The following ANKS1B variants were observed in gnomAD, a reference collection of about 807,000 sequenced individuals.
ANKS1B encodes ankyrin repeat and sterile alpha motif domain-containing protein 1B.
Under a neutral mutation model 148.3 loss-of-function variants are expected in ANKS1B, and 36 were observed. The observed-to-expected ratio is 0.24, with a 90% confidence interval of 0.19 to 0.32. ANKS1B has a LOEUF of 0.32. Among genes scored for constraint, ANKS1B ranks in the 10% least tolerant of loss-of-function variants. The probability of loss-of-function intolerance (pLI) is 1.00; values close to 1 mark genes in which losing one functional copy is unlikely to be tolerated. For synonymous variants in ANKS1B, 542 were observed against 560.8 expected (o/e 0.97, Z 0.47); for missense variants, 1,157 against 1,542.6 (o/e 0.75, Z 4.19).
intron 10 of ANKS1B, among the ~76,000 whole-genome samples, chr12:99,476,238 G>T (rs1346504875): frequency 6.6e-6 from 1 of 151,778 alleles, no homozygotes; most frequent in African/African-American, 2.4e-5. Context: ...ACTAAAAATA[G>T]AAAAATTAGC....
rs577015596 is a variant in ANKS1B at position 99,549,392 on chromosome 12, G to A, written c.1273-44751C>T. 3.9e-5 allele frequency among the ~76,000 whole-genome samples: 6 copies of A among 152,324 alleles called. No individual in the cohort carries two copies. The South Asian group carries it at 1.2e-3, about 32-fold the overall frequency. ...CAAAATTCTTAGAGTTAAGCAGATG[G>A]TTTTTGAAGTCTTAGTAAATAAACT... On this transcript the variant is annotated intron_variant, in intron 9 of 26. Transcript: ENST00000683438.
intron 8 of ANKS1B, among the ~76,000 whole-genome samples, chr12:99,666,615 T>A (rs1470506395): frequency 2.0e-5 from 3 of 152,158 alleles, no homozygotes; most frequent in Non-Finnish European, 4.4e-5. Context: ...AGTGTACAGG[T>A]CTTGCACATA....
intron 11 of ANKS1B, among the ~76,000 whole-genome samples, chr12:99,432,641 A>G (rs747685802): frequency 3.3e-5 from 5 of 152,230 alleles, no homozygotes; most frequent in Non-Finnish European, 7.3e-5. Flanking sequence ...TAACAGAGAC[A>G]GAGAATAAAG....
intron 17 of ANKS1B, among the ~76,000 whole-genome samples, chr12:98,879,911 C>A (rs1485830750): frequency 1.3e-5 from 2 of 152,180 alleles, no homozygotes; most frequent in East Asian, 3.8e-4. Context: ...ATATTACCCT[C>A]ACCATCAGCC....
rs147705820 is a variant in ANKS1B at position 99,515,634 on chromosome 12, T to C, written c.1273-10993A>G. On this transcript the variant is annotated intron_variant, in intron 9 of 26. Coordinates refer to ENST00000683438, the MANE Select transcript of ANKS1B (RefSeq NM_001352186.2). ...ATTGTAAACAGTGCTGCAACAAATA[T>C]GGGAGTAGAGCCATCTCTTCCATAT... 2.7e-3 allele frequency among the ~76,000 whole-genome samples: 411 copies of C among 152,170 alleles called. 2 individuals are homozygous for C. The highest frequency in any genetic ancestry group is 9.5e-3 in the African/African-American group (393 of 41,542).
intron 22 of ANKS1B, among the ~76,000 whole-genome samples, chr12:98,795,881 G>T (rs2098944195): frequency 6.6e-6 from 1 of 152,144 alleles, no homozygotes. Flanking sequence ...TATGTAAAGT[G>T]GGAGCAATGG....
intron 17 of ANKS1B, among the ~76,000 whole-genome samples, chr12:98,945,176 C>T (rs970390264): frequency 6.6e-6 from 1 of 152,072 alleles, no homozygotes; most frequent in Non-Finnish European, 1.5e-5. Context: ...CCCATCCAAC[C>T]CTGTATCATG....
intron 19 of ANKS1B, among the ~76,000 whole-genome samples, chr12:98,822,748 G>C (rs2099209029): frequency 6.6e-6 from 1 of 152,170 alleles, no homozygotes; most frequent in Non-Finnish European, 1.5e-5. Flanking sequence ...GGGCTGACGG[G>C]TCTATCAGAA....
At chr12:99,187,383 T>A (rs2080012671) in intron 14 of ANKS1B, among the ~76,000 whole-genome samples, 1 of 151,956 alleles carries the variant, frequency 6.6e-6, no homozygotes, top group Non-Finnish European at 1.5e-5. Context: ...CCAAGACACA[T>A]AATTGTCCGA....
At chr12:99,792,702 A>G (rs573911988) in intron 4 of ANKS1B, among the ~76,000 whole-genome samples, 2 of 152,086 alleles carry the variant, frequency 1.3e-5, no homozygotes, top group African/African-American at 4.8e-5. Flanking sequence ...ACCTCAATGT[A>G]ATAAAATCCA....
At chr12:99,089,511 T>C (rs998231858) in intron 15 of ANKS1B, among the ~76,000 whole-genome samples, 3 of 152,228 alleles carry the variant, frequency 2.0e-5, no homozygotes, top group African/African-American at 7.2e-5. Flanking sequence ...GCCATCATTG[T>C]AGCAAGTTCC....
chr12:99,024,184 A>G (rs908414571), intron 17 of ANKS1B, among the ~76,000 whole-genome samples: 1 of 152,138 alleles, frequency 6.6e-6, no homozygotes, highest in African/African-American at 2.4e-5. Context: ...TATTTGTTAG[A>G]ATAAGCAACA....
intron 12 of ANKS1B, among the ~76,000 whole-genome samples, chr12:99,290,877 G>A (rs988429967): frequency 3.3e-5 from 5 of 152,038 alleles, no homozygotes; most frequent in Non-Finnish European, 7.4e-5. Flanking sequence ...AGACAAGGAT[G>A]TCCTCTTTCA....
intron 17 of ANKS1B, among the ~76,000 whole-genome samples, chr12:98,997,275 A>G (rs2099930261): frequency 6.6e-6 from 1 of 152,212 alleles, no homozygotes; most frequent in South Asian, 2.1e-4. Context: ...GGCAGTAGGA[A>G]CATAGCAAGG....
intron 9 of ANKS1B, among the ~76,000 whole-genome samples, chr12:99,640,686 C>T (rs963648574): frequency 4.6e-5 from 7 of 152,000 alleles, no homozygotes; most frequent in African/African-American, 1.7e-4. Context: ...GTTACAGCAG[C>T]ACAAAATGGA....
intron 1 of ANKS1B, among the ~76,000 whole-genome samples, chr12:99,849,988 A>C (rs1019764119): frequency 6.6e-6 from 1 of 152,134 alleles, no homozygotes; most frequent in African/African-American, 2.4e-5. Context: ...ACAAAAACTA[A>C]GTCTTAATAG....
At chr12:98,856,809 T>A (rs2099574091) in intron 17 of ANKS1B, among the ~76,000 whole-genome samples, 1 of 152,204 alleles carries the variant, frequency 6.6e-6, no homozygotes, top group Admixed American at 6.5e-5. Flanking sequence ...CAGAATCTTC[T>A]GTGTCTAGAA....
At chr12:99,095,291 A>G (rs2055595233) in intron 15 of ANKS1B, among the ~76,000 whole-genome samples, 1 of 152,200 alleles carries the variant, frequency 6.6e-6, no homozygotes, top group East Asian at 1.9e-4. Context: ...TGGATAAGCT[A>G]AAGTTCTCAG....
At chr12:99,529,279 G>T (rs189526097) in intron 9 of ANKS1B, among the ~76,000 whole-genome samples, 1 of 152,168 alleles carries the variant, frequency 6.6e-6, no homozygotes, top group African/African-American at 2.4e-5. Context: ...AGATGACAAA[G>T]AGGAGAATGT....
Sources: gnomAD v4.1 joint callset for allele counts (sites outside exome capture counted in the v4.1 genomes callset) on GRCh38, gnomAD v4.1.1 for gene constraint, MANE v1.5 for transcripts, NCBI Gene and HGNC (gene_info 2026-07-23, HGNC 2026-07-21) for gene names.